Variants in RIF1 observed in about 807,000 individuals in gnomAD.
RIF1 encodes replication timing regulatory factor 1, also known as telomere-associated protein RIF1.
RIF1 carries 45 observed loss-of-function variants against 247.1 expected under a neutral mutation model. The observed-to-expected ratio is 0.18, with a 90% CI of 0.14 to 0.23. The LOEUF is 0.23. Among genes scored for constraint, RIF1 ranks in the 10% least tolerant of loss-of-function variants. RIF1 has a pLI of 1.00. For missense variants in RIF1, 2,967 were observed against 2,862.5 expected (o/e 1.04, Z -0.83); for synonymous variants, 1,087 against 978.8 (o/e 1.11, Z -2.06).
At chr2:151,473,936 GT>G in intron 34 of RIF1, 27 bp from the exon 35 acceptor site, 4 of 1,196,612 alleles carry the variant, frequency 3.3e-6, no homozygotes, top group South Asian at 1.3e-5. Flanking sequence ...GTTGTTTTGC[GT>G]TTTTTTCTGC....
At position 151,480,221 on chromosome 2, in the gene RIF1, G is replaced by A. The variant is rs1362265857; in HGVS notation, c.*5150G>A. ...GAAGACAATATTTTCCATTGTTGAT[G>A]TCACAAGTAAGAAAAAAACTCTAAC... On this transcript the variant is annotated 3_prime_UTR_variant, in exon 36 of 36. Coordinates refer to ENST00000444746, the MANE Select transcript of RIF1 (RefSeq NM_018151.5). 1.3e-5 allele frequency: 2 copies of A among 152,144 alleles called. No individual in the cohort carries two copies. Among genetic ancestry groups the A allele is most frequent in the African/African-American group, 2.4e-5 (1 of 41,432 alleles). The allele number at this position is 152,144 out of a possible 1,614,324, so 9.4% of individuals were successfully genotyped here.
intron 11 of RIF1, 61 bp downstream of exon 11, chr2:151,435,641 T>C: frequency 1.1e-6 from 1 of 895,370 alleles, no homozygotes. Context: ...CCTAGAAGCA[T>C]AGTTTTGAAG....
intron 3 of RIF1, among the ~76,000 whole-genome samples, chr2:151,413,189 G>T (rs1168930236): frequency 6.6e-6 from 1 of 151,798 alleles, no homozygotes; most frequent in African/African-American, 2.4e-5. Context: ...ACTACGCCCA[G>T]CTACTTTTTT....
At chr2:151,459,489 A>C (rs535654057) in intron 25 of RIF1, among the ~76,000 whole-genome samples, 222 of 152,312 alleles carry the variant, frequency 1.5e-3, no homozygotes, top group African/African-American at 5.2e-3. Context: ...TGTTATAGCC[A>C]ACTAAGTATC....
intron 16 of RIF1, among the ~76,000 whole-genome samples, chr2:151,442,262 C>T (rs905731591): frequency 1.3e-4 from 19 of 151,148 alleles, no homozygotes; most frequent in Non-Finnish European, 2.4e-4. Context: ...TTTATAGAGA[C>T]GGGGTTTCTC....
At position 151,409,970 on chromosome 2, in the gene RIF1, A is replaced by G. The variant is rs781115763; in HGVS notation, c.-74A>G. The G allele has an allele frequency of 3.0e-5, 21 of 701,862 alleles. No individual in the cohort carries two copies. The Admixed American group carries it at 4.0e-4, about 13-fold the overall frequency. The allele number at this position is 701,862 out of a possible 1,614,324, so 43.5% of individuals were successfully genotyped here. A position where few individuals can be genotyped will look rare whatever the true frequency, so the allele number is the denominator to read the frequency against. On this transcript the variant is annotated 5_prime_UTR_variant, in exon 1 of 36. Transcript: ENST00000444746. The stretch of plus-strand genomic sequence containing the variant: ...TAAACAGCCGGAGCTGGGAAAGTCG[A>G]GCTCTGGCAGCGTCTGGGTGCTGAG...
At chr2:151,456,731 T>C in intron 23 of RIF1, 111 bp downstream of exon 23, 1 of 594,826 alleles carries the variant, frequency 1.7e-6, no homozygotes, top group African/African-American at 1.9e-5. Context: ...TTATTCCTTC[T>C]TTCTTTCTTT....
the RIF1 span, chr2:151,524,165 G>A: frequency 1.0e-5 from 7 of 670,216 alleles, no homozygotes; most frequent in South Asian, 1.4e-4. Flanking sequence ...AAGGCCCTCA[G>A]TGCACTTTTT....
chr2:151,471,787 T>G (rs1005128942), intron 34 of RIF1, among the ~76,000 whole-genome samples: 5 of 152,174 alleles, frequency 3.3e-5, no homozygotes, highest in African/African-American at 1.2e-4. Context: ...GTAGTATAGT[T>G]TGAAGTCAGG....
At chr2:151,511,999 T>C (rs1484542501), downstream of RIF1, among the ~76,000 whole-genome samples, 1 of 148,878 alleles carries the variant, frequency 6.7e-6, no homozygotes, top group East Asian at 2.0e-4. Flanking sequence ...AATTCCTGCA[T>C]CATAGGTTAC....
intron 31 of RIF1, 80 bp downstream of exon 31, chr2:151,468,226 A>G: frequency 7.7e-7 from 1 of 1,302,736 alleles, no homozygotes; most frequent in Non-Finnish European, 1.1e-6. Flanking sequence ...AAAATGAACT[A>G]TATATGTGAA....
chr2:151,520,984 G>C, the RIF1 span, among the ~76,000 whole-genome samples: 1 of 152,190 alleles, frequency 6.6e-6, no homozygotes, highest in Non-Finnish European at 1.5e-5. Flanking sequence ...ATTAAGGCCA[G>C]AAGTAGAATT....
intron 18 of RIF1, 99 bp downstream of exon 18, chr2:151,443,808 G>T: frequency 1.0e-5 from 7 of 686,608 alleles, no homozygotes; most frequent in South Asian, 3.6e-5. Flanking sequence ...AATAGAAGAT[G>T]GTAAATATTT....
intron 6 of RIF1, among the ~76,000 whole-genome samples, chr2:151,417,128 G>C (rs1373963579): frequency 6.6e-6 from 1 of 152,084 alleles, no homozygotes; most frequent in Admixed American, 6.6e-5. Context: ...TGAAGTCTTG[G>C]TTATGTTCCT....
intron 12 of RIF1, 67 bp from the exon 13 acceptor site, chr2:151,437,174 T>G: frequency 4.4e-6 from 6 of 1,357,992 alleles, no homozygotes; most frequent in Non-Finnish European, 6.3e-6. Flanking sequence ...TTTTAAAGTT[T>G]TATAGTGAGA....
the RIF1 span, chr2:151,514,484 C>T: frequency 2.3e-6 from 3 of 1,329,818 alleles, no homozygotes; most frequent in African/African-American, 4.3e-5. Context: ...TTGATTCTCT[C>T]AGGCAAAGAA....
chr2:151,487,045 TTG>T (rs568565482), downstream of RIF1, among the ~76,000 whole-genome samples: 7 of 151,624 alleles, frequency 4.6e-5, no homozygotes, highest in South Asian at 4.2e-4. Flanking sequence ...ATGCATGAAA[TTG>T]TGTGTGTGTG....
chr2:151,524,182 C>A, the RIF1 span: 1 of 756,176 alleles, frequency 1.3e-6, no homozygotes, highest in East Asian at 2.7e-5. Context: ...TTTTATAACT[C>A]TTGGAAGCTT....
intron 31 of RIF1, among the ~76,000 whole-genome samples, 164 bp downstream of exon 31, chr2:151,468,310 G>C (rs984796674): frequency 6.6e-6 from 1 of 152,144 alleles, no homozygotes; most frequent in East Asian, 1.9e-4. Flanking sequence ...AAGCAGAAAG[G>C]TAAGAGGCAG....
Sources: gnomAD v4.1 joint callset for allele counts (sites outside exome capture counted in the v4.1 genomes callset) on GRCh38, gnomAD v4.1.1 for gene constraint, MANE v1.5 for transcripts, NCBI Gene and HGNC (gene_info 2026-07-23, HGNC 2026-07-21) for gene names.